Variants in ATP11C observed in about 807,000 individuals in gnomAD.
The protein encoded by ATP11C is ATPase phospholipid transporting 11C (ATP11C blood group).
A neutral mutation model predicts 97.4 loss-of-function variants in ATP11C; 36 were observed. The ratio of observed to expected loss-of-function variants is 0.37; its 90% CI spans 0.28 to 0.49. ATP11C has a LOEUF of 0.49. ATP11C is among the 20% of genes least tolerant of loss of function. The probability of loss-of-function intolerance (pLI) is 0.98; values close to 1 mark genes in which losing one functional copy is unlikely to be tolerated. For synonymous variants in ATP11C, 275 were observed against 290.9 expected (o/e 0.95, Z 0.56); for missense variants, 730 against 824.6 (o/e 0.89, Z 1.40).
At chrX:139,733,914 T>A (rs1351011281) in intron 28 of ATP11C, among the ~76,000 whole-genome samples, 2 of 111,348 alleles carry the variant, frequency 1.8e-5, no homozygotes, top group Admixed American at 1.9e-4. Context: ...GGAGAAAGCA[T>A]GGAAAGAGTA....
intron 1 of ATP11C, among the ~76,000 whole-genome samples, chrX:139,868,808 G>C (rs1391381960): frequency 6.3e-5 from 7 of 110,283 alleles, no homozygotes; most frequent in Non-Finnish European, 1.3e-4. Flanking sequence ...ATAGACAAAG[G>C]AACTGAATAG....
At chrX:139,804,660 T>G (rs1232207237) in intron 5 of ATP11C, 61 bp from the exon 6 acceptor site, 28 of 959,544 alleles carry the variant, frequency 2.9e-5, no homozygotes, top group Non-Finnish European at 3.7e-5. Context: ...ATTACACTCA[T>G]ACAAAAGTCA....
intron 1 of ATP11C, among the ~76,000 whole-genome samples, chrX:139,910,946 G>A (rs2085064542): frequency 9.0e-6 from 1 of 111,415 alleles, no homozygotes; most frequent in East Asian, 2.8e-4. Context: ...ATATGTTAAG[G>A]AACATCTAGT....
intron 1 of ATP11C, among the ~76,000 whole-genome samples, chrX:139,876,841 T>C (rs943916704): frequency 8.0e-5 from 9 of 112,206 alleles, no homozygotes; most frequent in Non-Finnish European, 1.7e-4. Flanking sequence ...GCAATTTGCT[T>C]AAATGGAAAA....
Position 139,819,439 on chromosome X carries a change from G to C in ATP11C, c.148-12C>G, listed in dbSNP as rs1344022668. 2.2e-6 allele frequency: 2 copies of C among 888,989 alleles called. No individual in the cohort carries two copies. Among genetic ancestry groups the C allele is most frequent in the African/African-American group, 4.0e-5 (2 of 49,537 alleles). The allele number at this position is 888,989 out of a possible 1,213,427, so 73.3% of individuals were successfully genotyped here. A position where few individuals can be genotyped will look rare whatever the true frequency, so the allele number is the denominator to read the frequency against. ...TTCCAAAGTGTATACTGTAAGGGAG[G>C]AAGAAAAAAGAACACTGTTATGAAG... On this transcript the variant is annotated splice_polypyrimidine_tract_variant and intron_variant, in intron 2 of 29. Coordinates refer to ENST00000682941, the MANE Select transcript of ATP11C (RefSeq NM_001353812.2).
chrX:139,859,183 C>T (rs1157095883), intron 1 of ATP11C, among the ~76,000 whole-genome samples: 2 of 111,538 alleles, frequency 1.8e-5, no homozygotes, highest in African/African-American at 6.5e-5. Context: ...AGCAGAATAG[C>T]GGCAACTACA....
intron 22 of ATP11C, among the ~76,000 whole-genome samples, chrX:139,760,859 A>G (rs929234494): frequency 3.6e-5 from 4 of 112,433 alleles, no homozygotes; most frequent in African/African-American, 9.7e-5. Flanking sequence ...CAAAGTGCAA[A>G]GCAATATGTA....
At chrX:139,746,079 AT>A (rs2081678494) in intron 24 of ATP11C, among the ~76,000 whole-genome samples, 2 of 111,555 alleles carry the variant, frequency 1.8e-5, no homozygotes, top group African/African-American at 3.3e-5. Context: ...ACTCTTCCAA[AT>A]TTTTGGTCAC....
At position 139,772,079 on chromosome X, in the gene ATP11C, C is replaced by T. The variant is rs1455639574; in HGVS notation, c.2216+2611G>A. Among the ~76,000 whole-genome samples the T allele has an allele frequency of 3.6e-5, 4 of 111,967 alleles. No individual in the cohort carries two copies. In the East Asian group the frequency reaches 1.1e-3, roughly 32 times the overall value. On this transcript the variant is annotated intron_variant, in intron 19 of 29. Transcript: ENST00000682941. ...GAAAAGTGGTTTCATGGGCCAGGCC[C>T]AGCGTCCCCGTGCTGTGTGTAGCCT...
chrX:139,936,394 C>A (rs1231792248), upstream of ATP11C, among the ~76,000 whole-genome samples: 2 of 111,079 alleles, frequency 1.8e-5, no homozygotes, highest in African/African-American at 6.6e-5. Flanking sequence ...GGCCCTCAGC[C>A]AGCATTTTCA....
intron 11 of ATP11C, among the ~76,000 whole-genome samples, 188 bp downstream of exon 11, chrX:139,796,988 A>G (rs958825386): frequency 3.5e-4 from 39 of 110,776 alleles, no homozygotes; most frequent in Non-Finnish European, 5.7e-4. Context: ...TTTTTACAAA[A>G]AAAACTTTGT....
Position 139,796,932 on chromosome X carries a change from TTTTC to T in ATP11C, c.1008+240_1008+243del, listed in dbSNP as rs770349718. ...TAAAGTAAAAGAAAAAAAACTCTTT[TTTTC>T]TTTTCTTTTTCTTTCTTTTACAATA... On this transcript the variant is annotated intron_variant, in intron 11 of 29. Transcript: ENST00000682941. Among the ~76,000 whole-genome samples the T allele has an allele frequency of 7.0e-3, 776 of 111,150 alleles. 3 individuals carry two copies. The highest frequency in any genetic ancestry group is 0.012 in the Non-Finnish European group (640 of 52,750).
chrX:139,749,892 T>C, intron 24 of ATP11C, 133 bp downstream of exon 24: 1 of 657,879 alleles, frequency 1.5e-6, no homozygotes, highest in Non-Finnish European at 2.2e-6. Context: ...TTTCAATAGC[T>C]AAAAATTCCA....
Position 139,829,701 on chromosome X carries a change from C to T in ATP11C, c.28-2878G>A, listed in dbSNP as rs911945758. On this transcript the variant is annotated intron_variant, in intron 1 of 29. Transcript: ENST00000682941. The stretch of plus-strand genomic sequence containing the variant: ...TACTGACTCTATTTTAATGACACAT[C>T]ACACTACATAATAAAGTATGGCAAA... Among the ~76,000 whole-genome samples the T allele has an allele frequency of 4.5e-5, 5 of 111,200 alleles. No individual in the cohort carries two copies. In the South Asian group the frequency reaches 1.1e-3, roughly 25 times the overall value.
intron 15 of ATP11C, among the ~76,000 whole-genome samples, chrX:139,785,682 G>A (rs1001425219): frequency 2.4e-4 from 27 of 111,809 alleles, no homozygotes; most frequent in African/African-American, 8.1e-4. Context: ...GGGAATAGAG[G>A]TGAATCTGCC....
At chrX:139,757,486 T>C (rs1027096245) in intron 23 of ATP11C, among the ~76,000 whole-genome samples, 8 of 111,835 alleles carry the variant, frequency 7.2e-5, no homozygotes, top group East Asian at 2.8e-4. Context: ...GCCTGCAAAG[T>C]TGGGAGATTC....
chrX:139,932,731 C>T lies in ATP11C; in HGVS notation c.-689G>A, dbSNP rs1217956991. The T allele has an allele frequency of 8.9e-6, 1 of 112,264 alleles. No homozygotes were observed. Among genetic ancestry groups the T allele is most frequent in the Non-Finnish European group, 1.9e-5 (1 of 53,052 alleles). The allele number at this position is 112,264 out of a possible 1,213,427, so 9.3% of individuals were successfully genotyped here. ...CCGCGCTCTGGTCCCGCACTCGGGC[C>T]AGGGAGCCTGGGTACAGCCAACCGG... On this transcript the variant is annotated 5_prime_UTR_variant, in exon 1 of 30. Transcript: ENST00000682941.
intron 1 of ATP11C, among the ~76,000 whole-genome samples, chrX:139,913,302 A>G (rs2085105235): frequency 8.9e-6 from 1 of 112,106 alleles, no homozygotes; most frequent in South Asian, 3.7e-4. Flanking sequence ...TGTTAGCTAA[A>G]AGATTAATAT....
chrX:139,808,206 A>G (rs1254178923), intron 5 of ATP11C, among the ~76,000 whole-genome samples: 2 of 111,549 alleles, frequency 1.8e-5, no homozygotes, highest in African/African-American at 6.5e-5. Context: ...TAAACAGGAG[A>G]AAAAGGAGTG....
Sources: allele counts gnomAD v4.1 joint callset (sites outside exome capture counted in the v4.1 genomes callset), GRCh38; gene constraint gnomAD v4.1.1; transcripts MANE v1.5; gene names NCBI Gene and HGNC (gene_info 2026-07-23, HGNC 2026-07-21).